ERCC2: variants seen among roughly 807,000 people sequenced by gnomAD.
ERCC2 encodes the protein general transcription and DNA repair factor IIH helicase subunit XPD.
ERCC2 carries 90 observed loss-of-function variants against 99.4 expected under a neutral mutation model. The ratio of observed to expected loss-of-function variants is 0.91; its 90% CI spans 0.76 to 1.08. The LOEUF is 1.08. ERCC2 is among the 50% of genes least tolerant of loss of function. The pLI is 0.00. For synonymous variants in ERCC2, 497 were observed against 432.4 expected (o/e 1.15, Z -1.85); for missense variants, 993 against 1,038.1 (o/e 0.96, Z 0.60).
rs1243905452 is a variant in ERCC2, at chr19:45,353,080, C to T, written c.1831+3G>A. On this transcript the variant is annotated splice_donor_region_variant and intron_variant, in intron 19 of 22. Transcript: ENST00000391945. ...CTGGGGAGGAAGAGCCCAGTCCACT[C>T]ACCAAAGTCGATTCCCTCGGACACT... The T allele has an allele frequency of 6.2e-7, 1 of 1,612,410 alleles. No individual in the cohort carries two copies. Among genetic ancestry groups the T allele is most frequent in the Non-Finnish European group, 8.5e-7 (1 of 1,179,620 alleles).
intron 12 of ERCC2, among the ~76,000 whole-genome samples, chr19:45,359,791 T>C (rs1036878090): frequency 3.3e-5 from 5 of 152,002 alleles, no homozygotes; most frequent in Admixed American, 6.6e-5. Context: ...TTTTTTTTTT[T>C]TTGAGACAGA....
chr19:45,358,662 T>C, intron 12 of ERCC2: 1 of 621,278 alleles, frequency 1.6e-6, no homozygotes, highest in Middle Eastern at 4.4e-4. Context: ...CCAAGGCTGC[T>C]CCATTTGGTC....
rs1971848454 is a variant in ERCC2, at chr19:45,352,619, G to A, written c.1933C>T (p.Gln645Ter). The A allele has an allele frequency of 1.9e-6, 3 of 1,613,868 alleles. No homozygotes were observed. The highest frequency in any genetic ancestry group is 1.1e-5 in the South Asian group (1 of 91,084). The change falls in exon 21 of 23, where the codon CAG becomes TAG. Residue 645 changes from glutamine (Q) to a stop codon, truncating the protein, a stop_gained. Coordinates refer to ENST00000391945, the MANE Select transcript of ERCC2 (RefSeq NM_000400.4). LOFTEE classifies it high-confidence loss of function. ...ARLEYLRDQF[Q>*]IRENDFLTFD... is the part of the protein sequence containing the mutation. The stretch of plus-strand genomic sequence containing the variant: ...GTAAGAAAGTCATTCTCACGAATCT[G>A]GAACTGGTCCCGCAGGTATTCCAGC...
In ERCC2 at chr19:45,352,516, A is replaced by T; in HGVS notation, c.2036T>A (p.Phe679Tyr). 1 of 1,614,188 alleles carries T rather than the reference A, an allele frequency of 6.2e-7. No homozygotes were observed. The highest frequency in any genetic ancestry group is 8.5e-7 in the Non-Finnish European group (1 of 1,180,046). The stretch of plus-strand genomic sequence containing the variant: ...CCCCTGAAGCTGCACCTTGTCGGCA[A>T]AGACCATGAGGCCGTAGTCCGTCTT... Reference protein sequence around the residue: ...RGKTDYGLMVFADKRFARGDK... With the variant: ...RGKTDYGLMVYADKRFARGDK... The change falls in exon 21 of 23, where the codon TTT becomes TAT. Residue 679 changes from phenylalanine (F) to tyrosine (Y), a missense_variant. Transcript: ENST00000391945.
chr19:45,358,961 C>T (rs1972113179), intron 12 of ERCC2: 1 of 738,548 alleles, frequency 1.4e-6, no homozygotes, highest in East Asian at 2.5e-5. Flanking sequence ...TATTCGGTTT[C>T]ACACAGTGAA....
At position 45,362,988 on chromosome 19, in the gene ERCC2, C is replaced by T. The variant is rs3916819; in HGVS notation, c.1118+755G>A. 2.5e-3 allele frequency among the ~76,000 whole-genome samples: 381 copies of T among 152,290 alleles called. 1 individual carries two copies. The highest frequency in any genetic ancestry group is 8.6e-3 in the African/African-American group (359 of 41,550). On this transcript the variant is annotated intron_variant, in intron 11 of 22. Coordinates refer to ENST00000391945, the MANE Select transcript of ERCC2 (RefSeq NM_000400.4). ...AAGGAACATAAAGGGCTTAGCTCCT[C>T]CTTAGTGCTCAGGGCAGGGTAGGTG...
At chr19:45,352,418 G>C in intron 21 of ERCC2, 66 bp from the exon 22 acceptor site, 2 of 1,613,670 alleles carry the variant, frequency 1.2e-6, no homozygotes, top group East Asian at 2.2e-5. Context: ...TCTCCACCCT[G>C]CAACCCACCC....
rs559154781 is a variant in ERCC2 at position 45,364,918 on chromosome 19, C to T, written c.514G>A (p.Ala172Thr). Residue 172 changes from alanine (A) to threonine (T), a missense_variant, in exon 7 of 23, where the codon GCT (alanine) becomes ACT (threonine). Ala to Thr is a moderately conservative substitution (Grantham distance 58). Around this residue, in one of 3 missense-constraint regions of ERCC2, gnomAD observed 909 missense variants for 930.8 expected, o/e 0.98. Coordinates refer to ENST00000391945, the MANE Select transcript of ERCC2 (RefSeq NM_000400.4). Reference protein sequence around the residue: ...DAHGREVPLPAGIYNLDDLKA... With the variant: ...DAHGREVPLPTGIYNLDDLKA... ...AGGTCATCCAGGTTGTAGATGCCAG[C>T]GGGGAGGGGCACCTCACGCCCATGG... 4.0e-5 allele frequency: 65 copies of T among 1,614,096 alleles called. No individual in the cohort carries two copies. The highest frequency in any genetic ancestry group is 2.3e-4 in the South Asian group (21 of 91,078).
intron 11 of ERCC2, among the ~76,000 whole-genome samples, chr19:45,363,415 G>A (rs576080946): frequency 2.0e-5 from 3 of 152,226 alleles, no homozygotes; most frequent in Admixed American, 2.0e-4. Flanking sequence ...GCCTGGCTTA[G>A]CTCCCAGCTC....
chr19:45,355,739 A>G lies in ERCC2; in HGVS notation c.1480-11T>C. On this transcript the variant is annotated splice_polypyrimidine_tract_variant and intron_variant, in intron 15 of 22. Coordinates refer to ENST00000391945, the MANE Select transcript of ERCC2 (RefSeq NM_000400.4). ...GCCACGGCCGATGATCTGGAGAGCA[A>G]CAGAGGTCACGATAAGCGAGGCAGC... 6.2e-7 allele frequency: 1 copy of G among 1,613,510 alleles called. No individual in the cohort carries two copies. Among genetic ancestry groups the G allele is most frequent in the Non-Finnish European group, 8.5e-7 (1 of 1,179,768 alleles).
chr19:45,370,415 C>G, intron 1 of ERCC2, 121 bp downstream of exon 1: 2 of 1,498,680 alleles, frequency 1.3e-6, no homozygotes, highest in Non-Finnish European at 1.8e-6. Context: ...CTGCGGCTGC[C>G]CCCGTCCCAC....
Position 45,361,310 on chromosome 19 carries a change from C to T in ERCC2, c.1237+214G>A, listed in dbSNP as rs561919676. Among the ~76,000 whole-genome samples, 36 of 152,222 alleles carry T rather than the reference C, an allele frequency of 2.4e-4. No individual in the cohort carries two copies. In the South Asian group the frequency reaches 6.6e-3, roughly 28 times the overall value. On this transcript the variant is annotated intron_variant, in intron 12 of 22. Transcript: ENST00000391945. ...ACTGCCCATGCCATCCTTCTCCACT[C>T]TGCAGCCCGAGGAAGTCTGTGAAAA...
intron 12 of ERCC2, chr19:45,358,690 A>C: frequency 1.5e-6 from 1 of 662,312 alleles, no homozygotes; most frequent in Non-Finnish European, 2.8e-6. Context: ...ACTGCTCAAA[A>C]GTCAGCCCCT....
intron 12 of ERCC2, chr19:45,358,099 G>A (rs1972077183): frequency 8.1e-5 from 26 of 319,888 alleles, no homozygotes; most frequent in South Asian, 7.3e-4. Context: ...AGGCTAGAGT[G>A]CAGTGGCATG....
intron 12 of ERCC2, among the ~76,000 whole-genome samples, chr19:45,361,093 T>C (rs1972203658): frequency 6.7e-6 from 1 of 148,502 alleles, no homozygotes; most frequent in Non-Finnish European, 1.5e-5. Flanking sequence ...ATCACACCAC[T>C]GCACTCCAGC....
At position 45,350,946 on chromosome 19, in the gene ERCC2, C is replaced by G. The variant is rs372478319; in HGVS notation, c.*683G>C. ...TCACTCATTTCCTCCCTGCTGCCCT[C>G]TTTGCAGAATGAAGAGAGCCATGTC... is the stretch of plus-strand genomic sequence containing the variant. On this transcript the variant is annotated 3_prime_UTR_variant, in exon 23 of 23. Coordinates refer to ENST00000391945, the MANE Select transcript of ERCC2 (RefSeq NM_000400.4). 2.7e-5 allele frequency: 44 copies of G among 1,614,074 alleles called. No homozygotes were observed. The African/African-American group carries it at 5.3e-4, about 20-fold the overall frequency.
chr19:45,358,441 G>T, intron 12 of ERCC2: 1 of 266,526 alleles, frequency 3.8e-6, no homozygotes. Context: ...CTCCTGCCTG[G>T]ACCCATCATC....
rs749637706 is a variant in ERCC2 at position 45,351,736 on chromosome 19, G to C, written c.2191-15C>G. 6 of 1,612,914 alleles carry C rather than the reference G, an allele frequency of 3.7e-6. No individual in the cohort carries two copies. The Admixed American group carries it at 1.0e-4, about 27-fold the overall frequency. On this transcript the variant is annotated splice_polypyrimidine_tract_variant and intron_variant, in intron 22 of 22. Coordinates refer to ENST00000391945, the MANE Select transcript of ERCC2 (RefSeq NM_000400.4). ...AGCTGATCCTCCTGCAGAGAACAGA[G>C]GAAAGGGAGAGGGGGGCACTGTTGG...
chr19:45,356,535 C>T (rs1028276834), intron 15 of ERCC2, among the ~76,000 whole-genome samples: 6 of 152,196 alleles, frequency 3.9e-5, no homozygotes, highest in East Asian at 1.9e-4. Context: ...AATGGCTGCG[C>T]GCAGTGGCTT....
Sources: gnomAD v4.1 joint callset for allele counts (sites outside exome capture counted in the v4.1 genomes callset) on GRCh38, gnomAD v4.1.1 for gene constraint, gnomAD v4.1.1 regional missense constraint, MANE v1.5 for transcripts, NCBI Gene and HGNC (gene_info 2026-07-23, HGNC 2026-07-21) for gene names.